SYTL2: variants seen among roughly 807,000 people sequenced by gnomAD.
The protein encoded by SYTL2 is synaptotagmin-like protein 2.
In SYTL2, 165 loss-of-function variants were observed where a neutral mutation model predicts 198.7. That is an observed-to-expected ratio of 0.83 (90% CI 0.73 to 0.94). SYTL2 has a LOEUF of 0.94. SYTL2 is among the 40% of genes least tolerant of loss of function. SYTL2 has a pLI of 0.00. For missense variants in SYTL2, 2,835 were observed against 2,582.8 expected (o/e 1.10, Z -2.12); for synonymous variants, 966 against 917.7 (o/e 1.05, Z -0.95).
chr11:85,823,665 T>C, the SYTL2 span, among the ~76,000 whole-genome samples: 1 of 152,192 alleles, frequency 6.6e-6, no homozygotes, highest in Non-Finnish European at 1.5e-5. Context: ...GAATTTTCCA[T>C]AGAAAAATGC....
chr11:85,845,336 T>C, the SYTL2 span, among the ~76,000 whole-genome samples: 1 of 152,220 alleles, frequency 6.6e-6, no homozygotes, highest in Non-Finnish European at 1.5e-5. Context: ...CCCAATGAAG[T>C]TGCTCCCAAA....
chr11:85,752,917 TAAAAAAAAAAA>T (rs1162431708), intron 2 of SYTL2, among the ~76,000 whole-genome samples: 181 of 17,724 alleles, frequency 0.01, no homozygotes, highest in Non-Finnish European at 0.017. Context: ...CTGCCTTCAT[TAAAAAAAAAAA>T]AAAAAAAAAA....
chr11:85,759,671 C>G (rs913053630), intron 1 of SYTL2, among the ~76,000 whole-genome samples: 1 of 152,196 alleles, frequency 6.6e-6, no homozygotes, highest in Non-Finnish European at 1.5e-5. Flanking sequence ...GAAGTTTGGG[C>G]TTCATTGACA....
At chr11:85,809,191 G>A (rs1406353538) in intron 1 of SYTL2, among the ~76,000 whole-genome samples, 1 of 152,172 alleles carries the variant, frequency 6.6e-6, no homozygotes, top group African/African-American at 2.4e-5. Context: ...CCTCTTAGGG[G>A]ACAGTGGAAT....
the SYTL2 span, among the ~76,000 whole-genome samples, chr11:85,845,148 G>T: frequency 6.6e-6 from 1 of 152,120 alleles, no homozygotes; most frequent in Non-Finnish European, 1.5e-5. Flanking sequence ...TGACTCTCAA[G>T]ACTGGATTAG....
intron 8 of SYTL2, among the ~76,000 whole-genome samples, chr11:85,721,635 T>C (rs1371488337): frequency 6.6e-6 from 1 of 152,204 alleles, no homozygotes; most frequent in East Asian, 1.9e-4. Flanking sequence ...GTATTCTCAG[T>C]GCCTAGAACA....
intron 7 of SYTL2, among the ~76,000 whole-genome samples, chr11:85,730,686 G>C (rs1565940869): frequency 6.6e-6 from 1 of 152,088 alleles, no homozygotes; most frequent in Non-Finnish European, 1.5e-5. Flanking sequence ...ACTGGCACAA[G>C]ACAAGGATGC....
At chr11:85,806,717 A>C (rs2092963239) in intron 1 of SYTL2, among the ~76,000 whole-genome samples, 1 of 152,244 alleles carries the variant, frequency 6.6e-6, no homozygotes, top group Non-Finnish European at 1.5e-5. Context: ...ACATTTTCTC[A>C]TATCTCATTC....
At chr11:85,807,901 A>G (rs909751416) in intron 1 of SYTL2, among the ~76,000 whole-genome samples, 3 of 152,192 alleles carry the variant, frequency 2.0e-5, no homozygotes, top group Admixed American at 6.5e-5. Context: ...ATTCTGTCAA[A>G]AACAATCTGA....
At chr11:85,708,095 G>A (rs921937873) in intron 14 of SYTL2, 7 of 423,976 alleles carry the variant, frequency 1.7e-5, no homozygotes, top group Admixed American at 5.6e-5. Context: ...CCCGGGAGGC[G>A]AAGGTTGCTG....
chr11:85,776,456 G>T (rs1370870753), intron 1 of SYTL2, among the ~76,000 whole-genome samples: 1 of 152,140 alleles, frequency 6.6e-6, no homozygotes, highest in African/African-American at 2.4e-5. Context: ...GTGTCCATCT[G>T]TTCTCATTGT....
At chr11:85,750,660 A>G (rs978682239) in intron 2 of SYTL2, among the ~76,000 whole-genome samples, 21 of 152,166 alleles carry the variant, frequency 1.4e-4, no homozygotes, top group African/African-American at 5.1e-4. Flanking sequence ...GCTGATACCC[A>G]ATAACTGTCT....
chr11:85,734,570 G>A lies in SYTL2; in HGVS notation c.759C>T (p.Asn253=). 1 of 1,614,184 alleles carries A rather than the reference G, an allele frequency of 6.2e-7. No homozygotes were observed. Residue 253 remains asparagine (N), a synonymous_variant, in exon 7 of 20, where the codon AAC becomes AAT. Coordinates refer to ENST00000359152, the MANE Select transcript of SYTL2 (RefSeq NM_206927.4). ...YKSTDLNKDD[N]QSFPRQRTDS... is the part of the protein sequence containing the mutation. ...CTGTCCTTTGTCTAGGAAAAGACTG[G>A]TTATCATCTTTGTTTAAATCAGTTG...
the SYTL2 span, among the ~76,000 whole-genome samples, chr11:85,843,932 T>G: frequency 3.3e-5 from 5 of 152,312 alleles, no homozygotes; most frequent in Admixed American, 2.0e-4. Flanking sequence ...TTCATGTTCT[T>G]AAACAAAATA....
intron 8 of SYTL2, among the ~76,000 whole-genome samples, chr11:85,721,792 T>G (rs1444517466): frequency 6.6e-6 from 1 of 152,228 alleles, no homozygotes; most frequent in Non-Finnish European, 1.5e-5. Flanking sequence ...GCAAATGGAT[T>G]CTAAGATGAA....
At chr11:85,825,774 T>C in the SYTL2 span, among the ~76,000 whole-genome samples, 1 of 152,256 alleles carries the variant, frequency 6.6e-6, no homozygotes, top group Non-Finnish European at 1.5e-5. Flanking sequence ...GAATCCAGGC[T>C]GTCATTTCCC....
chr11:85,850,727 G>T, the SYTL2 span, among the ~76,000 whole-genome samples: 5 of 150,802 alleles, frequency 3.3e-5, no homozygotes, highest in South Asian at 2.1e-4. Flanking sequence ...ACATGCACAC[G>T]TATGTTTATT....
intron 12 of SYTL2, among the ~76,000 whole-genome samples, chr11:85,711,915 T>C (rs963521404): frequency 3.9e-5 from 6 of 152,222 alleles, no homozygotes; most frequent in Non-Finnish European, 8.8e-5. Context: ...AAAATACAGG[T>C]ATTTATTTTA....
chr11:85,751,614 A>G (rs1374997525), intron 2 of SYTL2, among the ~76,000 whole-genome samples: 1 of 152,230 alleles, frequency 6.6e-6, no homozygotes, highest in Admixed American at 6.5e-5. Context: ...AAGAGCACTC[A>G]ATCCAGAAAG....
Sources: allele counts gnomAD v4.1 joint callset (sites outside exome capture counted in the v4.1 genomes callset), GRCh38; gene constraint gnomAD v4.1.1; transcripts MANE v1.5; gene names NCBI Gene and HGNC (gene_info 2026-07-23, HGNC 2026-07-21).